Variants in TIMMDC1 observed in about 807,000 individuals in gnomAD.
The protein encoded by TIMMDC1 is translocase of inner mitochondrial membrane domain containing 1.
TIMMDC1 carries 25 observed loss-of-function variants against 32.6 expected under a neutral mutation model. The ratio of observed to expected loss-of-function variants is 0.77; its 90% CI spans 0.56 to 1.07. TIMMDC1 has a LOEUF of 1.07. Among genes scored for constraint, TIMMDC1 ranks in the 50% least tolerant of loss-of-function variants. TIMMDC1 has a pLI of 0.00. For missense variants in TIMMDC1, 329 were observed against 349.2 expected (o/e 0.94, Z 0.46); for synonymous variants, 130 against 127.6 (o/e 1.02, Z -0.13).
chr3:119,510,050 A>AC (rs2081943587), intron 4 of TIMMDC1, among the ~76,000 whole-genome samples: 1 of 152,264 alleles, frequency 6.6e-6, no homozygotes, highest in Admixed American at 6.5e-5. Context: ...TGTAAATTAT[A>AC]CCTCAATAAA....
chr3:119,510,483 T>G (rs376648068), intron 4 of TIMMDC1, among the ~76,000 whole-genome samples: 2 of 152,058 alleles, frequency 1.3e-5, no homozygotes, highest in African/African-American at 2.4e-5. Context: ...ATTAAGAGCA[T>G]AGCAAAGACA....
At chr3:119,504,761 T>C (rs73187888) in intron 4 of TIMMDC1, among the ~76,000 whole-genome samples, 6,803 of 152,242 alleles carry the variant, frequency 0.045, 157 homozygotes, top group Middle Eastern at 0.061. Flanking sequence ...TTACTAACAG[T>C]GTATTGTATA....
chr3:119,508,046 G>A (rs530141016), intron 4 of TIMMDC1, among the ~76,000 whole-genome samples: 22 of 152,156 alleles, frequency 1.4e-4, no homozygotes, highest in Non-Finnish European at 2.5e-4. Flanking sequence ...TTTGGGCTGT[G>A]CAAAACCATT....
In TIMMDC1 at chr3:119,498,735, T is replaced by TG; in HGVS notation, c.4dup (p.Glu2?). On this transcript the variant is annotated frameshift_variant and start_lost, in exon 1 of 7. Transcript: ENST00000494664. LOFTEE classifies it high-confidence loss of function. Reference sequence around the variant, plus strand: ...TTGTCCGTAGGTCGAGAGAAGGCCATGGAGGTGCCGCCACCGGCACCGCGG... The same window carrying TG: ...TTGTCCGTAGGTCGAGAGAAGGCCATGGGAGGTGCCGCCACCGGCACCGCGG... 6.2e-7 allele frequency: 1 copy of TG among 1,614,124 alleles called. No individual in the cohort carries two copies. Among genetic ancestry groups the TG allele is most frequent in the Non-Finnish European group, 8.5e-7 (1 of 1,179,950 alleles).
At chr3:119,501,541 C>A (rs1022319027) in intron 2 of TIMMDC1, among the ~76,000 whole-genome samples, 1 of 151,996 alleles carries the variant, frequency 6.6e-6, no homozygotes, top group East Asian at 1.9e-4. Flanking sequence ...CTTATACAAC[C>A]ACAATTATAA....
At chr3:119,517,404 T>C in intron 6 of TIMMDC1, 89 bp downstream of exon 6, 1 of 758,548 alleles carries the variant, frequency 1.3e-6, no homozygotes, top group Non-Finnish European at 2.3e-6. Flanking sequence ...TACTCTAAAC[T>C]GCCACTCAAT....
chr3:119,505,977 G>A (rs532040795), intron 4 of TIMMDC1, among the ~76,000 whole-genome samples: 12 of 152,192 alleles, frequency 7.9e-5, no homozygotes, highest in Admixed American at 3.3e-4. Flanking sequence ...AGGTAAACGC[G>A]TGTCATGGAG....
chr3:119,523,378 G>A (rs2082043543), intron 6 of TIMMDC1, among the ~76,000 whole-genome samples: 1 of 152,180 alleles, frequency 6.6e-6, no homozygotes, highest in Admixed American at 6.5e-5. Context: ...ATGGATCAGA[G>A]CTGTCACCAC....
intron 1 of TIMMDC1, 98 bp from the exon 2 acceptor site, chr3:119,500,597 T>G (rs1008419768): frequency 6.7e-5 from 69 of 1,033,788 alleles, no homozygotes; most frequent in African/African-American, 1.3e-4. Flanking sequence ...TGAAAAATGT[T>G]GTGGTGGTAG....
At chr3:119,519,526 G>A (rs2082009788) in intron 6 of TIMMDC1, among the ~76,000 whole-genome samples, 1 of 152,030 alleles carries the variant, frequency 6.6e-6, no homozygotes, top group African/African-American at 2.4e-5. Context: ...ATTATATAAT[G>A]GTAAAGAGAT....
At chr3:119,523,567 T>A (rs368021647) in intron 6 of TIMMDC1, 39 bp from the exon 7 acceptor site, 64 of 1,523,098 alleles carry the variant, frequency 4.2e-5, no homozygotes, top group Non-Finnish European at 5.5e-5. Context: ...ACTAAAGAAA[T>A]GGAGCAGTAT....
chr3:119,511,963 G>C (rs1205407663), intron 4 of TIMMDC1, among the ~76,000 whole-genome samples: 1 of 152,130 alleles, frequency 6.6e-6, no homozygotes, highest in Non-Finnish European at 1.5e-5. Context: ...CATCCTTTTT[G>C]AATAGCAGTT....
chr3:119,519,588 G>T (rs908357722), intron 6 of TIMMDC1, among the ~76,000 whole-genome samples: 1 of 152,076 alleles, frequency 6.6e-6, no homozygotes, highest in Non-Finnish European at 1.5e-5. Flanking sequence ...CCCAACACCA[G>T]AGCATCCATA....
intron 5 of TIMMDC1, among the ~76,000 whole-genome samples, chr3:119,516,078 A>C (rs2081984015): frequency 6.6e-6 from 1 of 152,226 alleles, no homozygotes; most frequent in Admixed American, 6.5e-5. Flanking sequence ...AGGAGTTAGC[A>C]ACAAAAATAT....
At position 119,517,270 on chromosome 3, in the gene TIMMDC1, A is replaced by G; in HGVS notation, c.662A>G (p.Lys221Arg). The G allele has an allele frequency of 6.2e-7, 1 of 1,613,904 alleles. No individual in the cohort carries two copies. ...TCTGGTGAGACTGTTCAGGAAAGAA[A>G]ACAGAAGGATCGAAAGGCACTCCAT... ...KYSGETVQERKQKDRKALHEL... is the reference protein window; with the variant it reads ...KYSGETVQERRQKDRKALHEL... Residue 221 changes from lysine (K) to arginine (R), a missense_variant, in exon 6 of 7, where the codon AAA becomes AGA. Coordinates refer to ENST00000494664, the MANE Select transcript of TIMMDC1 (RefSeq NM_016589.4).
intron 4 of TIMMDC1, among the ~76,000 whole-genome samples, chr3:119,511,264 G>A (rs2081950229): frequency 6.6e-6 from 1 of 151,958 alleles, no homozygotes; most frequent in Admixed American, 6.6e-5. Flanking sequence ...GATCACTTGA[G>A]ATCAGGAGTT....
Position 119,513,787 on chromosome 3 carries a change from C to G in TIMMDC1, c.596+68C>G, listed in dbSNP as rs112171113. On this transcript the variant is annotated intron_variant, in intron 5 of 6. Transcript: ENST00000494664. Reference sequence around the variant, plus strand: ...ATTAATACCTTGCCTATTAAAAAGTCTCATTTATTTTCAAAGAACAAATTT... The same window carrying G: ...ATTAATACCTTGCCTATTAAAAAGTGTCATTTATTTTCAAAGAACAAATTT... 20 of 1,029,966 alleles carry G rather than the reference C, an allele frequency of 1.9e-5. No individual in the cohort carries two copies. The African/African-American group carries it at 2.7e-4, about 14-fold the overall frequency. The allele number at this position is 1,029,966 out of a possible 1,614,324, so 63.8% of individuals were successfully genotyped here.
At chr3:119,503,020 A>G (rs1395348380) in intron 2 of TIMMDC1, among the ~76,000 whole-genome samples, 1 of 152,048 alleles carries the variant, frequency 6.6e-6, no homozygotes, top group African/African-American at 2.4e-5. Flanking sequence ...TTATTTATCT[A>G]TTTATAATTT....
intron 4 of TIMMDC1, among the ~76,000 whole-genome samples, chr3:119,507,940 G>A (rs1044350288): frequency 7.9e-5 from 12 of 152,162 alleles, no homozygotes; most frequent in Admixed American, 5.9e-4. Context: ...ACTACAGTGG[G>A]TTGGAATGGG....
Sources: allele counts gnomAD v4.1 joint callset (sites outside exome capture counted in the v4.1 genomes callset), GRCh38; gene constraint gnomAD v4.1.1; transcripts MANE v1.5; gene names NCBI Gene and HGNC (gene_info 2026-07-23, HGNC 2026-07-21).